The following LSAMP variants were observed in gnomAD, a reference collection of about 807,000 sequenced individuals.
LSAMP encodes limbic system-associated membrane protein.
LSAMP carries 7 observed loss-of-function variants against 38.6 expected under a neutral mutation model. The ratio of observed to expected loss-of-function variants is 0.18; its 90% CI spans 0.10 to 0.34. The LOEUF is 0.34. Among genes scored for constraint, LSAMP ranks in the 10% least tolerant of loss-of-function variants. LSAMP has a pLI of 1.00. For synonymous variants in LSAMP, 154 were observed against 166.8 expected (o/e 0.92, Z 0.59); for missense variants, 313 against 420.0 (o/e 0.75, Z 2.23).
At chr3:115,875,355 A>G (rs1936154723) in intron 3 of LSAMP, among the ~76,000 whole-genome samples, 1 of 152,098 alleles carries the variant, frequency 6.6e-6, no homozygotes, top group Non-Finnish European at 1.5e-5. Flanking sequence ...GAAATATTAA[A>G]GTAGGGGTTT....
intron 1 of LSAMP, among the ~76,000 whole-genome samples, chr3:116,229,354 T>A (rs190349014): frequency 0.027 from 4,146 of 152,258 alleles, 97 homozygotes; most frequent in Middle Eastern, 0.054. Flanking sequence ...CCCTGCTTTT[T>A]AAAAATGTTG....
At chr3:115,973,682 C>T (rs927404807) in intron 3 of LSAMP, among the ~76,000 whole-genome samples, 10 of 151,486 alleles carry the variant, frequency 6.6e-5, no homozygotes, top group Non-Finnish European at 5.9e-5. Flanking sequence ...TGCAGTGAGC[C>T]GAGATGGTGC....
At chr3:115,844,056 A>T (rs1263171229) in intron 4 of LSAMP, among the ~76,000 whole-genome samples, 2 of 152,040 alleles carry the variant, frequency 1.3e-5, no homozygotes, top group African/African-American at 4.8e-5. Flanking sequence ...GGCTGTTTGG[A>T]CTTCTCATCA....
chr3:116,220,951 G>A (rs1307892173), intron 1 of LSAMP, among the ~76,000 whole-genome samples: 2 of 151,974 alleles, frequency 1.3e-5, no homozygotes, highest in East Asian at 3.9e-4. Flanking sequence ...TCAGGAGATC[G>A]AGACCATCCT....
intron 3 of LSAMP, among the ~76,000 whole-genome samples, chr3:116,014,177 T>C (rs1490447796): frequency 1.3e-5 from 2 of 152,198 alleles, no homozygotes; most frequent in African/African-American, 2.4e-5. Flanking sequence ...TGGGGTTATA[T>C]CTGGATAAGC....
At chr3:116,396,772 T>C (rs2048773541) in intron 1 of LSAMP, among the ~76,000 whole-genome samples, 2 of 152,208 alleles carry the variant, frequency 1.3e-5, no homozygotes, top group Non-Finnish European at 2.9e-5. Context: ...TATCCAAACA[T>C]AATGCTCAAC....
At chr3:116,048,159 C>A (rs992888174) in intron 2 of LSAMP, among the ~76,000 whole-genome samples, 1 of 152,132 alleles carries the variant, frequency 6.6e-6, no homozygotes, top group Non-Finnish European at 1.5e-5. Context: ...ATCTGGGTAG[C>A]AAATGGTAAA....
chr3:116,271,809 A>G (rs2046977667), intron 1 of LSAMP, among the ~76,000 whole-genome samples: 1 of 152,086 alleles, frequency 6.6e-6, no homozygotes, highest in Non-Finnish European at 1.5e-5. Context: ...GGGTACAGTA[A>G]TCCAATAATA....
At chr3:116,237,147 C>T (rs1242427493) in intron 1 of LSAMP, among the ~76,000 whole-genome samples, 2 of 152,042 alleles carry the variant, frequency 1.3e-5, no homozygotes, top group Non-Finnish European at 2.9e-5. Flanking sequence ...CCTATCTTAA[C>T]ATGTAATAAA....
At chr3:116,159,450 C>T (rs1398307958) in intron 1 of LSAMP, among the ~76,000 whole-genome samples, 1 of 151,918 alleles carries the variant, frequency 6.6e-6, no homozygotes, top group African/African-American at 2.4e-5. Context: ...AGGGCATGAA[C>T]AGATACTTTT....
intron 3 of LSAMP, among the ~76,000 whole-genome samples, chr3:115,873,779 T>C (rs966241197): frequency 1.3e-5 from 2 of 152,270 alleles, no homozygotes; most frequent in Middle Eastern, 6.8e-3. Context: ...AGATAATACA[T>C]GCAAATTACC....
chr3:116,197,163 A>ACACACACACACACT lies in LSAMP; in HGVS notation c.156-110608_156-110607insAGTGTGTGTGTGTG, dbSNP rs1268040540. On this transcript the variant is annotated intron_variant, in intron 1 of 6. Coordinates refer to ENST00000490035, the MANE Select transcript of LSAMP (RefSeq NM_002338.5). ...CACACACACACACACACACACACAC[A>ACACACACACACACT]CTCTCTCTCTCTCTCACTCACTTTG... 9.0e-3 allele frequency among the ~76,000 whole-genome samples: 1,252 copies of ACACACACACACACT among 139,110 alleles called. 12 individuals carry two copies. The highest frequency in any genetic ancestry group is 0.029 in the African/African-American group (1,141 of 38,718). 91.3% of individuals were successfully genotyped at this position (139,110 alleles called of 152,430 possible). A position where few individuals can be genotyped will look rare whatever the true frequency, so the allele number is the denominator to read the frequency against.
intron 1 of LSAMP, among the ~76,000 whole-genome samples, chr3:116,437,822 C>T (rs997565114): frequency 1.3e-5 from 2 of 152,076 alleles, no homozygotes; most frequent in African/African-American, 4.8e-5. Flanking sequence ...AATTAAAATA[C>T]ATGAGTTCTA....
chr3:116,109,308 T>C (rs962296440), intron 1 of LSAMP, among the ~76,000 whole-genome samples: 16 of 152,018 alleles, frequency 1.1e-4, no homozygotes, highest in African/African-American at 3.6e-4. Flanking sequence ...AATAAAAAGA[T>C]TATAGGGTGG....
At chr3:116,330,452 A>G (rs553822034) in intron 1 of LSAMP, among the ~76,000 whole-genome samples, 2 of 152,166 alleles carry the variant, frequency 1.3e-5, no homozygotes, top group African/African-American at 4.8e-5. Flanking sequence ...CAGATAAAGA[A>G]GCAGGTAACC....
intron 1 of LSAMP, among the ~76,000 whole-genome samples, chr3:116,225,065 C>T (rs368422192): frequency 6.6e-6 from 1 of 152,136 alleles, no homozygotes; most frequent in African/African-American, 2.4e-5. Flanking sequence ...TATGAAGGGA[C>T]ATTTGAGGGA....
In LSAMP at chr3:116,118,777, G is replaced by T. The variant is rs527809657; in HGVS notation, c.156-32221C>A. 2.6e-5 allele frequency among the ~76,000 whole-genome samples: 4 copies of T among 152,214 alleles called. No homozygotes were observed. The South Asian group carries it at 8.3e-4, about 32-fold the overall frequency. On this transcript the variant is annotated intron_variant, in intron 1 of 6. Coordinates refer to ENST00000490035, the MANE Select transcript of LSAMP (RefSeq NM_002338.5). ...AAATGAAAATAGGAAGCCAAGTCAG[G>T]ACTCAAATACAAATCCAAATTTAAT...
At chr3:116,152,591 T>C (rs1232462290) in intron 1 of LSAMP, among the ~76,000 whole-genome samples, 1 of 152,088 alleles carries the variant, frequency 6.6e-6, no homozygotes, top group East Asian at 1.9e-4. Context: ...AATTAATTGA[T>C]TAATAAATAT....
intron 3 of LSAMP, among the ~76,000 whole-genome samples, chr3:115,911,472 C>T (rs1310951386): frequency 6.6e-6 from 1 of 152,168 alleles, no homozygotes; most frequent in African/African-American, 2.4e-5. Flanking sequence ...ATCCTCCCAC[C>T]TCCTGAGTAG....
Sources: allele counts gnomAD v4.1 joint callset (sites outside exome capture counted in the v4.1 genomes callset), GRCh38; gene constraint gnomAD v4.1.1; transcripts MANE v1.5; gene names NCBI Gene and HGNC (gene_info 2026-07-23, HGNC 2026-07-21).